RASA1: variants seen among roughly 807,000 people sequenced by gnomAD.
The protein encoded by RASA1 is ras GTPase-activating protein 1.
In RASA1, 25 loss-of-function variants were observed where a neutral mutation model predicts 132.2. That is an observed-to-expected ratio of 0.19 (90% CI 0.14 to 0.26). RASA1 has a LOEUF of 0.26. RASA1 is among the 10% of genes least tolerant of loss of function. RASA1 has a pLI of 1.00. For missense variants in RASA1, 964 were observed against 1,299.2 expected (o/e 0.74, Z 3.97); for synonymous variants, 477 against 449.9 (o/e 1.06, Z -0.76).
At chr5:87,293,416 A>C (rs995342739) in intron 1 of RASA1, among the ~76,000 whole-genome samples, 1 of 152,150 alleles carries the variant, frequency 6.6e-6, no homozygotes, top group Non-Finnish European at 1.5e-5. Flanking sequence ...GATTTTTAAA[A>C]ATGTTGAGCC....
intron 1 of RASA1, among the ~76,000 whole-genome samples, chr5:87,324,329 A>G (rs987415988): frequency 3.3e-5 from 5 of 152,070 alleles, no homozygotes; most frequent in South Asian, 2.1e-4. Flanking sequence ...AGTGCATAAC[A>G]TTTCTTGGAG....
At position 87,338,000 on chromosome 5, in the gene RASA1, T is replaced by C. The variant is rs1050876751; in HGVS notation, c.926T>C (p.Val309Ala). Residue 309 changes from valine to alanine, a missense_variant, in exon 5 of 25, where the codon GTT becomes GCT. Transcript: ENST00000274376. ...TTCTTAAAAGGAGATATGTTCATTG[T>C]TCATAATGAATTAGAAGATGGATGG... ...ISFLKGDMFI[V>A]HNELEDGWMW... The C allele has an allele frequency of 6.2e-7, 1 of 1,611,336 alleles. No individual in the cohort carries two copies. Among genetic ancestry groups the C allele is most frequent in the Non-Finnish European group, 8.5e-7 (1 of 1,178,670 alleles).
At chr5:87,325,142 G>A (rs780454584) in intron 1 of RASA1, among the ~76,000 whole-genome samples, 1 of 152,014 alleles carries the variant, frequency 6.6e-6, no homozygotes, top group East Asian at 1.9e-4. Flanking sequence ...TCTTCACATG[G>A]TGTCATCAAG....
chr5:87,374,916 T>C lies in RASA1; in HGVS notation c.2011T>C (p.Leu671=). Residue 671 remains leucine (L), a splice_region_variant and synonymous_variant, in exon 15 of 25, where the codon TTA becomes CTA. Coordinates refer to ENST00000274376, the MANE Select transcript of RASA1 (RefSeq NM_002890.3). ...AAAGAAAAGCAAAGATCCTGATATC[T>C]GTAAGTTGATACAGAAACTTTCTAA... ...KTKKSKDPDI[L]FMRCQLSRLQ... is the part of the protein sequence containing the mutation. 6.2e-7 allele frequency: 1 copy of C among 1,605,094 alleles called. No individual in the cohort carries two copies. Among genetic ancestry groups the C allele is most frequent in the Non-Finnish European group, 8.5e-7 (1 of 1,177,102 alleles).
intron 3 of RASA1, 133 bp from the exon 4 acceptor site, chr5:87,333,134 A>G: frequency 1.5e-6 from 2 of 1,358,828 alleles, no homozygotes; most frequent in Non-Finnish European, 2.0e-6. Flanking sequence ...TTTATAGTCC[A>G]AGTAAAAATT....
chr5:87,379,791 A>G lies in RASA1; in HGVS notation c.2544A>G (p.Leu848=), dbSNP rs1273834963. 5 of 1,612,856 alleles carry G rather than the reference A, an allele frequency of 3.1e-6. No individual in the cohort carries two copies. The African/African-American group carries it at 5.3e-5, about 17-fold the overall frequency. The part of the protein sequence containing the change: ...NEDVNTNLTH[L]LNILSELVEK... The stretch of plus-strand genomic sequence containing the variant: ...ATGTGAACACTAATTTAACACACCT[A>G]TTGAACATACTTTCAGAGCTTGTGG... The change falls in exon 19 of 25, where the codon CTA becomes CTG. Residue 848 remains leucine, a synonymous_variant. Transcript: ENST00000274376.
At chr5:87,307,462 AAACAACAACAACAAC>A (rs139386250) in intron 1 of RASA1, among the ~76,000 whole-genome samples, 3 of 150,962 alleles carry the variant, frequency 2.0e-5, no homozygotes, top group Admixed American at 1.3e-4. Context: ...CTCTGTCTCA[AAACAACAACAACAAC>A]AACAACAACA....
At chr5:87,287,467 CACACCATATATATACACACCATATATAT>C (rs1754675359) in intron 1 of RASA1, among the ~76,000 whole-genome samples, 1 of 143,884 alleles carries the variant, frequency 7.0e-6, no homozygotes, top group African/African-American at 2.6e-5. Flanking sequence ...CATATATATA[CACACCATATATATACACACCATATATAT>C]ACACCATATA....
Position 87,285,611 on chromosome 5 carries a change from T to C in RASA1, c.539+16621T>C, listed in dbSNP as rs568356848. 2.7e-5 allele frequency among the ~76,000 whole-genome samples: 4 copies of C among 150,238 alleles called. No individual in the cohort carries two copies. In the South Asian group the frequency reaches 8.3e-4, roughly 31 times the overall value. ...TTTAAGATTTCAGTCAGTCTCTTTT[T>C]CTTTTTCTTTTTTTTTTTTTTTTTG... On this transcript the variant is annotated intron_variant, in intron 1 of 24. Transcript: ENST00000274376.
intron 1 of RASA1, among the ~76,000 whole-genome samples, chr5:87,292,758 T>G (rs1228815539): frequency 6.6e-6 from 1 of 152,184 alleles, no homozygotes; most frequent in Non-Finnish European, 1.5e-5. Context: ...GACATGTTGA[T>G]ATTGAGTCTT....
At position 87,384,536 on chromosome 5, in the gene RASA1, C is replaced by T. The variant is rs184909478; in HGVS notation, c.2758+756C>T. On this transcript the variant is annotated intron_variant, in intron 21 of 24. Coordinates refer to ENST00000274376, the MANE Select transcript of RASA1 (RefSeq NM_002890.3). ...ACATCTCTGTAATTATCTTTTATTG[C>T]TACTAAAGTGGTTAAATCTATAAAT... Among the ~76,000 whole-genome samples, 506 of 152,160 alleles carry T rather than the reference C, an allele frequency of 3.3e-3. 1 individual carries two copies. The highest frequency in any genetic ancestry group is 5.0e-3 in the Non-Finnish European group (339 of 67,968).
chr5:87,373,734 G>C (rs76564060), intron 13 of RASA1, among the ~76,000 whole-genome samples: 1 of 152,058 alleles, frequency 6.6e-6, no homozygotes, highest in South Asian at 2.1e-4. Flanking sequence ...ATTTTTAGCT[G>C]TGGAACTCTT....
At chr5:87,313,086 A>C (rs1054757106) in intron 1 of RASA1, among the ~76,000 whole-genome samples, 1 of 152,172 alleles carries the variant, frequency 6.6e-6, no homozygotes, top group African/African-American at 2.4e-5. Context: ...GAGTGTCAAC[A>C]AGTTGTATGG....
chr5:87,331,627 T>G, intron 2 of RASA1, 127 bp downstream of exon 2: 1 of 1,068,226 alleles, frequency 9.4e-7, no homozygotes, highest in Non-Finnish European at 1.4e-6. Flanking sequence ...TTGTTTTCAG[T>G]CAAATGATTT....
intron 1 of RASA1, among the ~76,000 whole-genome samples, chr5:87,288,093 T>TATATATACCATATATACACACACC (rs766709209): frequency 3.9e-5 from 3 of 76,730 alleles, no homozygotes; most frequent in African/African-American, 5.4e-5. Context: ...ACACACACCA[T>TATATATACCATATATACACACACC]ATATATATAC....
chr5:87,268,416 G>A lies in RASA1; in HGVS notation c.-36G>A, dbSNP rs1381994496. ...GCCTGGTGGCCCCTGGGGCTCCCGGGCGGGCAGGGTAGGGCAGAGTAGAGC... is the reference window on the plus strand; with the variant it reads ...GCCTGGTGGCCCCTGGGGCTCCCGGACGGGCAGGGTAGGGCAGAGTAGAGC... On this transcript the variant is annotated 5_prime_UTR_variant, in exon 1 of 25. Transcript: ENST00000274376. 6.7e-7 allele frequency: 1 copy of A among 1,493,450 alleles called. No homozygotes were observed. Among genetic ancestry groups the A allele is most frequent in the Non-Finnish European group, 8.9e-7 (1 of 1,117,846 alleles). 92.5% of individuals were successfully genotyped at this position (1,493,450 alleles called of 1,614,324 possible).
At chr5:87,290,009 A>G (rs903332869) in intron 1 of RASA1, among the ~76,000 whole-genome samples, 2 of 151,960 alleles carry the variant, frequency 1.3e-5, no homozygotes, top group African/African-American at 4.8e-5. Context: ...TATCCCATCA[A>G]CTCTTAATAG....
chr5:87,374,568 T>C (rs1761191726), intron 14 of RASA1, among the ~76,000 whole-genome samples: 3 of 151,498 alleles, frequency 2.0e-5, no homozygotes, highest in South Asian at 2.1e-4. Flanking sequence ...AAACATTTAC[T>C]AACCCACAAA....
Position 87,341,284 on chromosome 5 carries a change from C to A in RASA1, c.1018-6C>A. 2 of 1,341,862 alleles carry A rather than the reference C, an allele frequency of 1.5e-6. No homozygotes were observed. Among genetic ancestry groups the A allele is most frequent in the Non-Finnish European group, 1.9e-6 (2 of 1,037,950 alleles). The allele number at this position is 1,341,862 out of a possible 1,614,324, so 83.1% of individuals were successfully genotyped here. ...ATAAAATACTGTCTTAATGTCTTCCCTTTAGGGCCGGGAAGAAGATCCACA... is the reference window on the plus strand; with the variant it reads ...ATAAAATACTGTCTTAATGTCTTCCATTTAGGGCCGGGAAGAAGATCCACA... On this transcript the variant is annotated splice_polypyrimidine_tract_variant and splice_region_variant and intron_variant, in intron 5 of 24. Coordinates refer to ENST00000274376, the MANE Select transcript of RASA1 (RefSeq NM_002890.3).
Sources: allele counts gnomAD v4.1 joint callset (sites outside exome capture counted in the v4.1 genomes callset), GRCh38; gene constraint gnomAD v4.1.1; transcripts MANE v1.5; gene names NCBI Gene and HGNC (gene_info 2026-07-23, HGNC 2026-07-21).